Variants in PCDHGA3 observed in about 807,000 individuals in gnomAD.
PCDHGA3 encodes the protein protocadherin gamma subfamily A, 3.
Under a neutral mutation model 58.5 loss-of-function variants are expected in PCDHGA3, and 40 were observed. That is an observed-to-expected ratio of 0.68 (90% confidence interval 0.53 to 0.89). The LOEUF is 0.89. Among genes scored for constraint, PCDHGA3 ranks in the 40% least tolerant of loss-of-function variants. The pLI is 0.00. For missense variants in PCDHGA3, 1,223 were observed against 1,195.9 expected, an observed-to-expected ratio of 1.02 and a Z score of -0.33; for synonymous variants, 530 against 525.7, an observed-to-expected ratio of 1.01 and a Z score of -0.11.
chr5:141,410,793 G>T, intron 1 of PCDHGA3: 2 of 637,704 alleles, frequency 3.1e-6, no homozygotes, highest in Admixed American at 4.3e-5. Flanking sequence ...TGGTTCATAA[G>T]TTGCTCTATC....
In PCDHGA3 at chr5:141,366,453, T is replaced by C. The variant is rs1477570113; in HGVS notation, c.2424+19996T>C. On this transcript the variant is annotated intron_variant, in intron 1 of 3. Coordinates refer to ENST00000253812, the MANE Select transcript of PCDHGA3 (RefSeq NM_018916.4). Reference sequence around the variant, plus strand: ...GTCTCCTGCGTCTTCCTGGCCTTCGTCATCGTGCTGCTGGTGCTCAGACTG... The same window carrying C: ...GTCTCCTGCGTCTTCCTGGCCTTCGCCATCGTGCTGCTGGTGCTCAGACTG... 7 of 1,614,220 alleles carry C rather than the reference T, an allele frequency of 4.3e-6. No individual in the cohort carries two copies. The Admixed American group carries it at 1.0e-4, about 23-fold the overall frequency.
At chr5:141,403,378 T>G in intron 1 of PCDHGA3, 5 of 1,614,002 alleles carry the variant, frequency 3.1e-6, no homozygotes, top group Non-Finnish European at 4.2e-6. Context: ...AAGTAAAAAT[T>G]AACGAAATCG....
In PCDHGA3 at chr5:141,487,406, C is replaced by T; in HGVS notation, c.2425-7401C>T. The T allele has an allele frequency of 6.2e-7, 1 of 1,614,200 alleles. No individual in the cohort carries two copies. The highest frequency in any genetic ancestry group is 8.5e-7 in the Non-Finnish European group (1 of 1,180,044). ...ATCTCGAAGGAGGGAGGGGCTTCCC[C>T]CTTCCAATGGGATCCTCCGAATCCA... On this transcript the variant is annotated intron_variant, in intron 1 of 3. Coordinates refer to ENST00000253812, the MANE Select transcript of PCDHGA3 (RefSeq NM_018916.4). The surrounding 1 kb of genome is among the most constrained non-coding windows in gnomAD (Gnocchi z 5.0).
Position 141,478,120 on chromosome 5 carries a change from G to A in PCDHGA3, c.2425-16687G>A, listed in dbSNP as rs772548778. 3.1e-6 allele frequency: 5 copies of A among 1,613,948 alleles called. No homozygotes were observed. In the Admixed American group the frequency reaches 6.7e-5, roughly 22 times the overall value. ...CTACCCTCACTGTGTCAGTAACCGA[G>A]GACTCTCCTGAAGCCCGAGCCGAGT... On this transcript the variant is annotated intron_variant, in intron 1 of 3. Coordinates refer to ENST00000253812, the MANE Select transcript of PCDHGA3 (RefSeq NM_018916.4).
At chr5:141,388,824 T>G (rs760173455) in intron 1 of PCDHGA3, 1 of 1,613,960 alleles carries the variant, frequency 6.2e-7, no homozygotes, top group East Asian at 2.2e-5. Flanking sequence ...CAAAGAATAT[T>G]CCATAGTTTT....
rs73794918 is a variant in PCDHGA3, at chr5:141,443,711, A to G, written c.2425-51096A>G. On this transcript the variant is annotated intron_variant, in intron 1 of 3. Coordinates refer to ENST00000253812, the MANE Select transcript of PCDHGA3 (RefSeq NM_018916.4). ...TCAAAAATTATAGAATAACATTTGC[A>G]TATAAAATTCCTCATACATTTCCCT... 9.8e-3 allele frequency among the ~76,000 whole-genome samples: 1,497 copies of G among 152,340 alleles called. 25 individuals are homozygous for G. Among genetic ancestry groups the G allele is most frequent in the African/African-American group, 0.033 (1,382 of 41,580 alleles).
At chr5:141,410,849 C>CTTTTTTGTTTTTTTTTTTTTTT (rs2095433183) in intron 1 of PCDHGA3, 1 of 129,786 alleles carries the variant, frequency 7.7e-6, no homozygotes, top group African/African-American at 6.0e-5. Flanking sequence ...TTGTCTTTGT[C>CTTTTTTGTTTTTTTTTTTTTTT]TTTTTTTTTT....
intron 1 of PCDHGA3, among the ~76,000 whole-genome samples, chr5:141,469,803 A>G (rs1326367314): frequency 6.6e-6 from 1 of 152,174 alleles, no homozygotes; most frequent in Non-Finnish European, 1.5e-5. Context: ...TTGCAAAAAC[A>G]TTGTAGATAG....
chr5:141,374,887 C>G lies in PCDHGA3; in HGVS notation c.2424+28430C>G, dbSNP rs1248527882. On this transcript the variant is annotated intron_variant, in intron 1 of 3. Coordinates refer to ENST00000253812, the MANE Select transcript of PCDHGA3 (RefSeq NM_018916.4). Reference sequence around the variant, plus strand: ...CAGTGTTGGCAGTGACTGCCACCGACCAGGATGAAGGAGTCCACGGGGAAG... The same window carrying G: ...CAGTGTTGGCAGTGACTGCCACCGAGCAGGATGAAGGAGTCCACGGGGAAG... The G allele has an allele frequency of 1.9e-6, 3 of 1,613,670 alleles. No individual in the cohort carries two copies. In the African/African-American group the frequency reaches 4.0e-5, roughly 22 times the overall value.
At chr5:141,376,404 A>C in intron 1 of PCDHGA3, 1 of 1,614,178 alleles carries the variant, frequency 6.2e-7, no homozygotes, top group Non-Finnish European at 8.5e-7. Flanking sequence ...CCCCAGCCCA[A>C]CTATGCCGAC....
At position 141,485,120 on chromosome 5, in the gene PCDHGA3, G is replaced by T; in HGVS notation, c.2425-9687G>T. The T allele has an allele frequency of 7.4e-7, 1 of 1,348,050 alleles. No individual in the cohort carries two copies. Among genetic ancestry groups the T allele is most frequent in the Non-Finnish European group, 1.0e-6 (1 of 952,710 alleles). 83.5% of individuals were successfully genotyped at this position (1,348,050 alleles called of 1,614,324 possible). On this transcript the variant is annotated intron_variant, in intron 1 of 3. Transcript: ENST00000253812. The surrounding 1 kb of genome is among the most constrained non-coding windows in gnomAD (Gnocchi z 5.7). ...TCCAGCTGCTGTGGCTGTTTGGGGC[G>T]GGTCGGCTTCATCCGCGTCTCAGGA...
At chr5:141,394,547 G>T (rs771070854) in intron 1 of PCDHGA3, 6 of 1,614,098 alleles carry the variant, frequency 3.7e-6, no homozygotes, top group East Asian at 2.2e-5. Context: ...TGGAGCTGGC[G>T]CCCCGCTCCG....
At position 141,398,948 on chromosome 5, in the gene PCDHGA3, A is replaced by T. The variant is rs775133149; in HGVS notation, c.2424+52491A>T. The T allele has an allele frequency of 2.5e-6, 4 of 1,613,958 alleles. No homozygotes were observed. The South Asian group carries it at 3.3e-5, about 13-fold the overall frequency. On this transcript the variant is annotated intron_variant, in intron 1 of 3. Transcript: ENST00000253812. The stretch of plus-strand genomic sequence containing the variant: ...GCCACTGACCAAGACGAGGGCATCA[A>T]CTCAGAAATTACTTATTCCTTCTAC...
intron 1 of PCDHGA3, chr5:141,355,801 G>A (rs1023672540): frequency 1.2e-6 from 2 of 1,613,404 alleles, no homozygotes; most frequent in African/African-American, 2.7e-5. Context: ...ACGCGCTCTA[G>A]ATCGCGAGGA....
chr5:141,409,872 A>G (rs1283725014), intron 1 of PCDHGA3: 1 of 1,612,710 alleles, frequency 6.2e-7, no homozygotes, highest in Non-Finnish European at 8.5e-7. Flanking sequence ...GACCGCAATG[A>G]CAACGCACCG....
rs1269660369 is a variant in PCDHGA3 at position 141,408,454 on chromosome 5, A to T, written c.2424+61997A>T. On this transcript the variant is annotated intron_variant, in intron 1 of 3. Transcript: ENST00000253812. ...GCGTAGACGCGGAGAGCGGGGACTT[A>T]CTTGTGAAGAACCGAATAGACCGTG... The T allele has an allele frequency of 4.3e-6, 7 of 1,613,934 alleles. No homozygotes were observed. The African/African-American group carries it at 9.3e-5, about 22-fold the overall frequency.
Position 141,417,626 on chromosome 5 carries a change from T to C in PCDHGA3, c.2424+71169T>C, listed in dbSNP as rs1156653216. ...CCGTCGGCCAGTGCAGAGCAAGCGC[T>C]GACGCCGGGGATCCCTCAGCCTCTA... On this transcript the variant is annotated intron_variant, in intron 1 of 3. Coordinates refer to ENST00000253812, the MANE Select transcript of PCDHGA3 (RefSeq NM_018916.4). The C allele has an allele frequency of 4.4e-6, 3 of 689,458 alleles. No homozygotes were observed. In the African/African-American group the frequency reaches 5.4e-5, roughly 12 times the overall value. The allele number at this position is 689,458 out of a possible 1,614,324, so 42.7% of individuals were successfully genotyped here. A position where few individuals can be genotyped will look rare whatever the true frequency, so the allele number is the denominator to read the frequency against.
In PCDHGA3 at chr5:141,414,189, G is replaced by C. The variant is rs1674006167; in HGVS notation, c.2424+67732G>C. ...CATATCTTGCAACTGCAAAAGTGTT[G>C]ATTACAGTAGAAGATGTAAATGACA... On this transcript the variant is annotated intron_variant, in intron 1 of 3. Transcript: ENST00000253812. 3.1e-6 allele frequency: 5 copies of C among 1,609,966 alleles called. No homozygotes were observed. The highest frequency in any genetic ancestry group is 3.4e-6 in the Non-Finnish European group (4 of 1,177,924).
At chr5:141,394,379 T>C in intron 1 of PCDHGA3, 1 of 1,614,160 alleles carries the variant, frequency 6.2e-7, no homozygotes, top group Non-Finnish European at 8.5e-7. Context: ...CTTTCGACTA[T>C]GAGCAGATCC....
Sources: gnomAD v4.1 joint callset for allele counts (sites outside exome capture counted in the v4.1 genomes callset) on GRCh38, gnomAD v4.1.1 for gene constraint, Gnocchi (gnomAD v3.1) non-coding constraint, MANE v1.5 for transcripts, NCBI Gene and HGNC (gene_info 2026-07-23, HGNC 2026-07-21) for gene names.